MYRIP: variants seen among roughly 807,000 people sequenced by gnomAD.
MYRIP encodes myosin VIIA and Rab interacting protein, also known as rab effector MyRIP.
Under a neutral mutation model 98.0 loss-of-function variants are expected in MYRIP, and 49 were observed. The ratio of observed to expected loss-of-function variants is 0.50; its 90% confidence interval spans 0.40 to 0.63. The LOEUF (loss-of-function observed/expected upper bound fraction) is 0.63, where lower values mean the gene tolerates loss of function less well. Ranked by LOEUF, MYRIP falls within the 30% of genes least tolerant of loss-of-function variation. The pLI, the probability that MYRIP is intolerant of heterozygous loss-of-function variation, is 0.00. For missense variants in MYRIP, 1,004 were observed against 1,058.2 expected, an observed-to-expected ratio of 0.95 and a Z score of 0.71; for synonymous variants, 404 against 409.5, an observed-to-expected ratio of 0.99 and a Z score of 0.16.
chr3:39,941,201 C>T (rs193176450), intron 2 of MYRIP, among the ~76,000 whole-genome samples: 224 of 152,210 alleles, frequency 1.5e-3, no homozygotes, highest in Non-Finnish European at 2.5e-3. Flanking sequence ...GCTGTACAAG[C>T]ATCTGCTCAG....
chr3:39,996,311 A>G (rs1360213965), intron 2 of MYRIP, among the ~76,000 whole-genome samples: 1 of 152,200 alleles, frequency 6.6e-6, no homozygotes, highest in Non-Finnish European at 1.5e-5. Flanking sequence ...AGACACACAT[A>G]GGCTCAAAAT....
At chr3:40,011,106 G>A (rs533800128) in intron 2 of MYRIP, among the ~76,000 whole-genome samples, 51 of 152,236 alleles carry the variant, frequency 3.4e-4, no homozygotes, top group Middle Eastern at 3.4e-3. Context: ...ACTAGAGCTC[G>A]AACCAGCATG....
At chr3:39,928,678 T>C (rs887045272) in intron 2 of MYRIP, among the ~76,000 whole-genome samples, 5 of 151,256 alleles carry the variant, frequency 3.3e-5, no homozygotes, top group East Asian at 1.9e-4. Flanking sequence ...TAGAGGTAAC[T>C]TCCTCAACTT....
At chr3:40,025,393 ATGATTC>A (rs1947102194) in intron 2 of MYRIP, among the ~76,000 whole-genome samples, 2 of 152,044 alleles carry the variant, frequency 1.3e-5, no homozygotes, top group African/African-American at 4.8e-5. Flanking sequence ...GGGCAGCAAA[ATGATTC>A]TGTCTGAAAG....
At chr3:40,252,995 T>G (rs988185690) in intron 16 of MYRIP, among the ~76,000 whole-genome samples, 4 of 152,178 alleles carry the variant, frequency 2.6e-5, no homozygotes, top group African/African-American at 9.7e-5. Context: ...AACATCACAT[T>G]GGACTAATCT....
chr3:40,069,829 G>A (rs992972725), intron 3 of MYRIP, among the ~76,000 whole-genome samples: 10 of 152,152 alleles, frequency 6.6e-5, no homozygotes, highest in East Asian at 3.8e-4. Context: ...CAACCAGTTC[G>A]TGCTCCTAGG....
intron 2 of MYRIP, among the ~76,000 whole-genome samples, chr3:39,977,525 G>C (rs1575430993): frequency 6.6e-6 from 1 of 152,092 alleles, no homozygotes; most frequent in South Asian, 2.1e-4. Context: ...AACTCACTCC[G>C]ACTGCCTTTG....
chr3:40,256,017 G>C (rs1953578095), intron 16 of MYRIP, among the ~76,000 whole-genome samples: 1 of 152,154 alleles, frequency 6.6e-6, no homozygotes, highest in Admixed American at 6.5e-5. Context: ...TGTAATGAGG[G>C]TAATGGTCTA....
At chr3:40,034,310 T>C (rs369200686) in intron 2 of MYRIP, among the ~76,000 whole-genome samples, 38 of 152,244 alleles carry the variant, frequency 2.5e-4, no homozygotes, top group South Asian at 1.7e-3. Context: ...AGAAAATTTT[T>C]GCAACCTACT....
At chr3:39,966,385 A>G (rs1418565078) in intron 2 of MYRIP, among the ~76,000 whole-genome samples, 1 of 152,178 alleles carries the variant, frequency 6.6e-6, no homozygotes, top group Non-Finnish European at 1.5e-5. Flanking sequence ...AATGACCACT[A>G]TATTTTCTTG....
At chr3:40,080,100 G>A (rs1948442121) in intron 3 of MYRIP, among the ~76,000 whole-genome samples, 1 of 152,188 alleles carries the variant, frequency 6.6e-6, no homozygotes, top group Admixed American at 6.5e-5. Context: ...ACTAGTGTGT[G>A]TGAGATTGGC....
rs1233018868 is a variant in MYRIP, at chr3:40,171,253, AAT to A, written c.873+1162_873+1163del. Among the ~76,000 whole-genome samples the A allele has an allele frequency of 2.6e-5, 4 of 152,096 alleles. No individual in the cohort carries two copies. The East Asian group carries it at 7.8e-4, about 30-fold the overall frequency. ...CGGGTAAGGCTGGTAAAAAAGAGGT[AAT>A]AGGAGACAGTTCATAATTGGGTGCT... On this transcript the variant is annotated intron_variant, in intron 8 of 16. Coordinates refer to ENST00000302541, the MANE Select transcript of MYRIP (RefSeq NM_015460.4).
At chr3:39,980,632 C>T (rs934170872) in intron 2 of MYRIP, among the ~76,000 whole-genome samples, 8 of 152,176 alleles carry the variant, frequency 5.3e-5, no homozygotes, top group African/African-American at 1.9e-4. Flanking sequence ...TCATAGATGC[C>T]TTTGAATCAA....
At chr3:40,144,666 C>A (rs73067612) in intron 3 of MYRIP, among the ~76,000 whole-genome samples, 33 of 152,182 alleles carry the variant, frequency 2.2e-4, no homozygotes, top group Non-Finnish European at 4.1e-4. Context: ...AATCATAAGC[C>A]CAGAGGGCGT....
intron 1 of MYRIP, among the ~76,000 whole-genome samples, chr3:39,883,508 T>G (rs1943208940): frequency 6.6e-6 from 1 of 152,036 alleles, no homozygotes; most frequent in Non-Finnish European, 1.5e-5. Context: ...AATAACTATA[T>G]GTTACTACAT....
intron 2 of MYRIP, among the ~76,000 whole-genome samples, chr3:39,939,530 G>A (rs1320724909): frequency 6.6e-6 from 1 of 152,026 alleles, no homozygotes; most frequent in African/African-American, 2.4e-5. Flanking sequence ...AAAAACAAAG[G>A]CCTAACAGTG....
rs796731237 is a variant in MYRIP at position 39,838,561 on chromosome 3, AC to A, written c.-31+28646del. 6.6e-5 allele frequency among the ~76,000 whole-genome samples: 10 copies of A among 151,264 alleles called. 1 individual carries two copies. Among genetic ancestry groups the A allele is most frequent in the African/African-American group, 2.4e-4 (10 of 41,244 alleles). The stretch of plus-strand genomic sequence containing the variant: ...GCCTTGCATCCCAGGGATGAAGCTG[AC>A]TTGATCTTGGTGGATAAGCCTTTTA... On this transcript the variant is annotated intron_variant, in intron 1 of 16. Coordinates refer to ENST00000302541, the MANE Select transcript of MYRIP (RefSeq NM_015460.4).
At chr3:39,989,804 A>G (rs1946127288) in intron 2 of MYRIP, among the ~76,000 whole-genome samples, 1 of 152,204 alleles carries the variant, frequency 6.6e-6, no homozygotes, top group Non-Finnish European at 1.5e-5. Context: ...TGCCACAGCC[A>G]TTGTGTTGGA....
intron 2 of MYRIP, among the ~76,000 whole-genome samples, chr3:40,039,186 G>A (rs1947455470): frequency 6.6e-6 from 1 of 152,018 alleles, no homozygotes; most frequent in South Asian, 2.1e-4. Flanking sequence ...TGAAAAGAAG[G>A]GATTTGTCCA....
Sources: gnomAD v4.1 joint callset for allele counts (sites outside exome capture counted in the v4.1 genomes callset) on GRCh38, gnomAD v4.1.1 for gene constraint, MANE v1.5 for transcripts, NCBI Gene and HGNC (gene_info 2026-07-23, HGNC 2026-07-21) for gene names.